UBR1: variants seen among roughly 807,000 people sequenced by gnomAD.
The protein encoded by UBR1 is ubiquitin protein ligase E3 component n-recognin 1, also known as E3 ubiquitin-protein ligase UBR1.
A neutral mutation model predicts 242.1 loss-of-function variants in UBR1; 102 were observed. The observed-to-expected ratio is 0.42, with a 90% CI of 0.36 to 0.50. The LOEUF is 0.50. Ranked by LOEUF, UBR1 falls within the 20% of genes least tolerant of loss-of-function variation. The pLI is 0.01. For missense variants in UBR1, 1,772 were observed against 2,101.8 expected, an observed-to-expected ratio of 0.84 and a Z score of 3.07; for synonymous variants, 675 against 684.8, an observed-to-expected ratio of 0.99 and a Z score of 0.22.
intron 46 of UBR1, among the ~76,000 whole-genome samples, chr15:42,946,510 T>A (rs1218060337): frequency 6.6e-6 from 1 of 152,336 alleles, no homozygotes; most frequent in African/African-American, 2.4e-5. Flanking sequence ...AGTCATTAAC[T>A]ACTTTCACCA....
chr15:43,055,515 T>C (rs1308011977), intron 11 of UBR1, among the ~76,000 whole-genome samples: 1 of 152,184 alleles, frequency 6.6e-6, no homozygotes, highest in Non-Finnish European at 1.5e-5. Context: ...TACGATCTAT[T>C]CTGAAATCTC....
chr15:43,092,138 G>A (rs1290416555), intron 1 of UBR1: 1 of 381,872 alleles, frequency 2.6e-6, no homozygotes, highest in East Asian at 8.5e-5. Context: ...TCTGGGTGCT[G>A]ATGCCTTAAA....
chr15:43,033,629 G>A (rs556857302), intron 19 of UBR1, among the ~76,000 whole-genome samples: 96 of 152,254 alleles, frequency 6.3e-4, no homozygotes, highest in African/African-American at 2.2e-3. Flanking sequence ...ACTCCAGCCT[G>A]GGCGACAGAG....
chr15:43,034,834 C>T (rs1377241609), intron 19 of UBR1, among the ~76,000 whole-genome samples: 1 of 150,674 alleles, frequency 6.6e-6, no homozygotes, highest in African/African-American at 2.4e-5. Context: ...TTATGGTGAG[C>T]CGAGATCGCG....
chr15:43,086,176 T>G lies in UBR1; in HGVS notation c.146A>C (p.Glu49Ala). The stretch of plus-strand genomic sequence containing the variant: ...TGGGTCCATTTCAGCAAAGTAAATT[T>G]CTGGCACCAATTGTGCCAAATGATG... ...FLHHLAQLVP[E>A]IYFAEMDPDL... The change falls in exon 2 of 47, where the codon GAA (glutamate) becomes GCA (alanine). Residue 49 changes from glutamate (E) to alanine (A), a missense_variant. Physicochemically the swap from Glu to Ala is moderately radical, Grantham distance 107. Around this residue, in one of 3 missense-constraint regions of UBR1, gnomAD observed 734 missense variants for 893.3 expected, o/e 0.82. Transcript: ENST00000290650. The G allele has an allele frequency of 2.5e-6, 4 of 1,614,040 alleles. No homozygotes were observed. The highest frequency in any genetic ancestry group is 1.7e-5 in the Admixed American group (1 of 60,012).
chr15:42,978,957 C>T (rs1198259848), intron 37 of UBR1, among the ~76,000 whole-genome samples: 9 of 137,088 alleles, frequency 6.6e-5, no homozygotes, highest in African/African-American at 2.2e-4. Flanking sequence ...TGCAGTGGTA[C>T]AATCTTGGCT....
chr15:43,057,217 C>T (rs759320610), intron 10 of UBR1, among the ~76,000 whole-genome samples: 34 of 152,120 alleles, frequency 2.2e-4, no homozygotes, highest in Non-Finnish European at 4.0e-4. Context: ...TAGAAGAGAA[C>T]ATCTTGAGTT....
rs1387805326 is a variant in UBR1 at position 43,082,716 on chromosome 15, C to T, written c.339G>A (p.Arg113=). The change falls in exon 3 of 47, where the codon AGG becomes AGA. Residue 113 remains arginine, a splice_region_variant and synonymous_variant. Transcript: ENST00000290650. ...FKSGETTYSC[R]DCAIDPTCVL... ...CACATGTTGGATCAATTGCACAATC[C>T]CTGAAAAAGATCAGAAATCAGATTC... is the stretch of plus-strand genomic sequence containing the variant. The T allele has an allele frequency of 6.2e-7, 1 of 1,613,320 alleles. No homozygotes were observed. The highest frequency in any genetic ancestry group is 1.3e-5 in the African/African-American group (1 of 74,878).
chr15:43,052,102 T>TC (rs2033564471), intron 12 of UBR1, among the ~76,000 whole-genome samples: 1 of 152,184 alleles, frequency 6.6e-6, no homozygotes, highest in Non-Finnish European at 1.5e-5. Context: ...TAGCAATCCC[T>TC]CCCTTCTGTG....
In UBR1 at chr15:43,025,380, C is replaced by T; in HGVS notation, c.2584+1G>A. 1 of 1,608,252 alleles carries T rather than the reference C, an allele frequency of 6.2e-7. No homozygotes were observed. Among genetic ancestry groups the T allele is most frequent in the Non-Finnish European group, 8.5e-7 (1 of 1,176,722 alleles). On this transcript the variant is annotated splice_donor_variant, in intron 24 of 46. Transcript: ENST00000290650. LOFTEE classifies it high-confidence loss of function. ...AGTCAATTCAGAATCTCACTTTTTA[C>T]CTTCATCTTTGTTTTCTTGTTTTCT...
intron 29 of UBR1, among the ~76,000 whole-genome samples, chr15:43,008,747 C>T (rs2032872443): frequency 6.6e-6 from 1 of 152,136 alleles, no homozygotes. Flanking sequence ...TTCTGAAGCC[C>T]CTAAAAACCC....
rs538088883 is a variant in UBR1, at chr15:42,995,984, G to T, written c.3757+2184C>A. Among the ~76,000 whole-genome samples the T allele has an allele frequency of 6.6e-5, 10 of 152,212 alleles. No individual in the cohort carries two copies. The East Asian group carries it at 1.7e-3, about 26-fold the overall frequency. On this transcript the variant is annotated intron_variant, in intron 33 of 46. Coordinates refer to ENST00000290650, the MANE Select transcript of UBR1 (RefSeq NM_174916.3). Reference sequence around the variant, plus strand: ...TTCCCCACTGTGTACTCTCAACTAAGGTAGGCCAGGCTTTTTCAATGTCTC... The same window carrying T: ...TTCCCCACTGTGTACTCTCAACTAATGTAGGCCAGGCTTTTTCAATGTCTC...
chr15:43,006,310 G>T (rs978718730), intron 30 of UBR1, among the ~76,000 whole-genome samples: 1 of 152,154 alleles, frequency 6.6e-6, no homozygotes, highest in African/African-American at 2.4e-5. Flanking sequence ...CTTAACAAGT[G>T]CCTGGCAATG....
intron 34 of UBR1, 111 bp downstream of exon 34, chr15:42,989,919 G>A (rs1489158263): frequency 5.0e-6 from 4 of 807,716 alleles, no homozygotes; most frequent in South Asian, 1.6e-5. Flanking sequence ...CAAGATAATG[G>A]GATAAACTAT....
At chr15:43,006,099 AAAAAAAG>A (rs2032824607) in intron 30 of UBR1, among the ~76,000 whole-genome samples, 1 of 146,336 alleles carries the variant, frequency 6.8e-6, no homozygotes, top group Non-Finnish European at 1.5e-5. Context: ...ACTAAAAAAA[AAAAAAAG>A]AAAAAAAAAA....
At chr15:43,017,783 C>A (rs1477298538) in intron 27 of UBR1, among the ~76,000 whole-genome samples, 1 of 149,976 alleles carries the variant, frequency 6.7e-6, no homozygotes. Context: ...GCACTCCAGC[C>A]TGGGTGACAG....
chr15:42,978,007 A>C lies in UBR1; in HGVS notation c.4151-60T>G, dbSNP rs1596082946. 2.8e-5 allele frequency: 40 copies of C among 1,408,072 alleles called. No homozygotes were observed. The East Asian group carries it at 8.9e-4, about 31-fold the overall frequency. 87.2% of individuals were successfully genotyped at this position (1,408,072 alleles called of 1,614,324 possible). The stretch of plus-strand genomic sequence containing the variant: ...GTAAGATAGCAGTGTAGGTAAATAA[A>C]ATGCAAGCTAAAAACACCTAAACCA... On this transcript the variant is annotated intron_variant, in intron 37 of 46. Transcript: ENST00000290650.
At chr15:42,990,551 G>C (rs2032540049) in intron 33 of UBR1, among the ~76,000 whole-genome samples, 1 of 152,122 alleles carries the variant, frequency 6.6e-6, no homozygotes, top group Non-Finnish European at 1.5e-5. Flanking sequence ...ATTAACTGAA[G>C]TTTCGCCATC....
chr15:42,957,974 A>T (rs1387949770), intron 44 of UBR1, 39 bp downstream of exon 44: 1 of 1,542,098 alleles, frequency 6.5e-7, no homozygotes, highest in African/African-American at 1.4e-5. Context: ...TCAGAAAATG[A>T]TTTAAAATTA....
Sources: allele counts gnomAD v4.1 joint callset (sites outside exome capture counted in the v4.1 genomes callset), GRCh38; gene constraint gnomAD v4.1.1; regional missense constraint gnomAD v4.1.1; transcripts MANE v1.5; gene names NCBI Gene and HGNC (gene_info 2026-07-23, HGNC 2026-07-21).